The following ZDHHC21 variants were observed in gnomAD, a reference collection of about 807,000 sequenced individuals.
ZDHHC21 encodes the protein zDHHC palmitoyltransferase 21, also known as palmitoyltransferase ZDHHC21.
Under a neutral mutation model 34.6 loss-of-function variants are expected in ZDHHC21, and 15 were observed. The observed-to-expected ratio is 0.43, with a 90% CI of 0.29 to 0.67. ZDHHC21 has a LOEUF of 0.67. Among genes scored for constraint, ZDHHC21 ranks in the 30% least tolerant of loss-of-function variants. ZDHHC21 has a pLI of 0.14. For missense variants in ZDHHC21, 344 were observed against 327.7 expected, an observed-to-expected ratio of 1.05 and a Z score of -0.38; for synonymous variants, 142 against 101.8, an observed-to-expected ratio of 1.40 and a Z score of -2.38.
Position 14,611,783 on chromosome 9 carries a change from C to G in ZDHHC21, c.*7183G>C, listed in dbSNP as rs1823342757. ...ACGTGTGCTCTGTCCTTGCAAGAGC[C>G]TAGCTTTGTCCTCCCGTGTTAGACT... On this transcript the variant is annotated 3_prime_UTR_variant, in exon 10 of 10. Transcript: ENST00000380916. 1 of 152,028 alleles carries G rather than the reference C, an allele frequency of 6.6e-6. No individual in the cohort carries two copies. Among genetic ancestry groups the G allele is most frequent in the Non-Finnish European group, 1.5e-5 (1 of 67,964 alleles). The allele number at this position is 152,028 out of a possible 1,614,324, so 9.4% of individuals were successfully genotyped here. A position where few individuals can be genotyped will look rare whatever the true frequency, so the allele number is the denominator to read the frequency against.
At chr9:14,646,093 A>C (rs1289620372) in intron 7 of ZDHHC21, among the ~76,000 whole-genome samples, 3 of 152,190 alleles carry the variant, frequency 2.0e-5, no homozygotes, top group Admixed American at 1.3e-4. Context: ...AGGAGGAATA[A>C]ACAAGGCTGC....
At chr9:14,627,545 T>C (rs1432628790) in intron 8 of ZDHHC21, among the ~76,000 whole-genome samples, 2 of 152,132 alleles carry the variant, frequency 1.3e-5, no homozygotes. Flanking sequence ...TGTCTCACCC[T>C]ACCCCCAACC....
chr9:14,662,052 T>G (rs1833493650), intron 6 of ZDHHC21, among the ~76,000 whole-genome samples, 163 bp downstream of exon 6: 1 of 152,208 alleles, frequency 6.6e-6, no homozygotes, highest in Non-Finnish European at 1.5e-5. Flanking sequence ...GAAAAATGAC[T>G]TTGGGAGTTG....
intron 2 of ZDHHC21, among the ~76,000 whole-genome samples, chr9:14,684,999 T>C (rs1393464423): frequency 6.6e-6 from 1 of 152,222 alleles, no homozygotes; most frequent in Non-Finnish European, 1.5e-5. Context: ...TGGATAGCCA[T>C]ATGTAGAAAG....
Position 14,626,243 on chromosome 9 carries a change from C to T in ZDHHC21, c.622-6561G>A, listed in dbSNP as rs138736187. Among the ~76,000 whole-genome samples, 437 of 151,876 alleles carry T rather than the reference C, an allele frequency of 2.9e-3. 1 individual carries two copies. The highest frequency in any genetic ancestry group is 0.01 in the African/African-American group (417 of 41,484). ...ATAAAATGTACATAAATTATTGTGC[C>T]AAAATACCATAAGCAAACCATAAAT... On this transcript the variant is annotated intron_variant, in intron 8 of 9. Coordinates refer to ENST00000380916, the MANE Select transcript of ZDHHC21 (RefSeq NM_178566.6).
At chr9:14,639,394 G>C (rs10756592) in intron 8 of ZDHHC21, among the ~76,000 whole-genome samples, 15,005 of 152,084 alleles carry the variant, frequency 0.099, 840 homozygotes, top group African/African-American at 0.15. Flanking sequence ...AGAGAGTGTG[G>C]TTAATGGTTA....
chr9:14,597,554 G>T, the ZDHHC21 span, among the ~76,000 whole-genome samples: 139 of 152,246 alleles, frequency 9.1e-4, 1 homozygote, highest in African/African-American at 3.1e-3. Flanking sequence ...GCTTTCAGGA[G>T]ACCCAGGGAC....
the ZDHHC21 span, among the ~76,000 whole-genome samples, chr9:14,605,603 T>C: frequency 2.0e-5 from 3 of 152,214 alleles, no homozygotes; most frequent in Admixed American, 1.3e-4. Context: ...TTAGCAAATA[T>C]GTGGTTTGAA....
At chr9:14,678,425 C>A (rs1231055861) in intron 3 of ZDHHC21, among the ~76,000 whole-genome samples, 1 of 151,528 alleles carries the variant, frequency 6.6e-6, no homozygotes, top group East Asian at 1.9e-4. Flanking sequence ...AAGCAATTCA[C>A]AAAGGGAAAA....
intron 8 of ZDHHC21, among the ~76,000 whole-genome samples, chr9:14,623,950 G>C (rs866638848): frequency 2.0e-5 from 3 of 152,034 alleles, no homozygotes; most frequent in Middle Eastern, 3.2e-3. Flanking sequence ...ATAAAAAACA[G>C]TATGGAGGCA....
chr9:14,596,682 T>C, the ZDHHC21 span, among the ~76,000 whole-genome samples: 1 of 152,100 alleles, frequency 6.6e-6, no homozygotes, highest in East Asian at 1.9e-4. Context: ...GAAATTGCAC[T>C]GGAACTCTCT....
chr9:14,620,167 T>C (rs185724372), intron 8 of ZDHHC21, among the ~76,000 whole-genome samples: 1 of 152,158 alleles, frequency 6.6e-6, no homozygotes, highest in Admixed American at 6.6e-5. Flanking sequence ...ATTTGCCATA[T>C]TACAACATCT....
chr9:14,663,129 T>C (rs947765325), intron 5 of ZDHHC21, among the ~76,000 whole-genome samples: 2 of 152,166 alleles, frequency 1.3e-5, no homozygotes, highest in Non-Finnish European at 2.9e-5. Flanking sequence ...CTGTCCTAAT[T>C]AGGTCCGCGA....
At position 14,617,448 on chromosome 9, in the gene ZDHHC21, C is replaced by G. The variant is rs1354475352; in HGVS notation, c.*1518G>C. The G allele has an allele frequency of 6.6e-6, 1 of 151,962 alleles. No homozygotes were observed. Among genetic ancestry groups the G allele is most frequent in the African/African-American group, 2.4e-5 (1 of 41,430 alleles). The allele number at this position is 151,962 out of a possible 1,614,324, so 9.4% of individuals were successfully genotyped here. A position where few individuals can be genotyped will look rare whatever the true frequency, so the allele number is the denominator to read the frequency against. On this transcript the variant is annotated 3_prime_UTR_variant, in exon 10 of 10. Transcript: ENST00000380916. ...TCTGAAAGAACTAACCACAGTATAG[C>G]CAACTGGCTGACAATGGTAACCTTC...
the ZDHHC21 span, chr9:14,594,089 A>AGAT: frequency 6.6e-6 from 1 of 152,238 alleles, no homozygotes; most frequent in African/African-American, 2.4e-5. Flanking sequence ...AAAAATTGCT[A>AGAT]GATAAGATAT....
intron 5 of ZDHHC21, among the ~76,000 whole-genome samples, chr9:14,668,132 T>A (rs1428491432): frequency 1.0e-5 from 1 of 96,410 alleles, no homozygotes; most frequent in African/African-American, 4.1e-5. Context: ...CTCCTTAAGC[T>A]GATAAGCAAC....
chr9:14,599,292 G>A, the ZDHHC21 span, among the ~76,000 whole-genome samples: 11 of 152,192 alleles, frequency 7.2e-5, no homozygotes, highest in African/African-American at 2.7e-4. Context: ...GCAGCCCACA[G>A]AGGATGAGCC....
the ZDHHC21 span, among the ~76,000 whole-genome samples, chr9:14,603,452 G>T: frequency 6.6e-6 from 1 of 152,040 alleles, no homozygotes; most frequent in Non-Finnish European, 1.5e-5. Flanking sequence ...AAATGACACT[G>T]CAAATCAGAT....
chr9:14,646,760 C>A (rs1219374566), intron 7 of ZDHHC21, among the ~76,000 whole-genome samples: 1 of 152,100 alleles, frequency 6.6e-6, no homozygotes, highest in Non-Finnish European at 1.5e-5. Context: ...TTTTCCTTGA[C>A]CAAATTACAG....
Sources: gnomAD v4.1 joint callset for allele counts (sites outside exome capture counted in the v4.1 genomes callset) on GRCh38, gnomAD v4.1.1 for gene constraint, MANE v1.5 for transcripts, NCBI Gene and HGNC (gene_info 2026-07-23, HGNC 2026-07-21) for gene names.